TESK2: variants seen among roughly 807,000 people sequenced by gnomAD.
TESK2 encodes dual specificity testis-specific protein kinase 2.
In TESK2, 39 loss-of-function variants were observed where a neutral mutation model predicts 57.1. The observed-to-expected ratio is 0.68, with a 90% confidence interval of 0.53 to 0.89. TESK2 has a LOEUF of 0.89. Among genes scored for constraint, TESK2 ranks in the 40% least tolerant of loss-of-function variants. The probability of loss-of-function intolerance (pLI) is 0.00; values close to 1 mark genes in which losing one functional copy is unlikely to be tolerated. For missense variants in TESK2, 646 were observed against 732.1 expected, an observed-to-expected ratio of 0.88 and a Z score of 1.36; for synonymous variants, 249 against 267.9, an observed-to-expected ratio of 0.93 and a Z score of 0.69.
chr1:45,428,816 A>AC (rs768015378), intron 2 of TESK2, among the ~76,000 whole-genome samples: 1 of 82,592 alleles, frequency 1.2e-5, no homozygotes, highest in Non-Finnish European at 2.1e-5. Flanking sequence ...TAAATTCCTG[A>AC]TTTTTTTTTT....
At chr1:45,367,440 C>T (rs1647975451) in intron 4 of TESK2, among the ~76,000 whole-genome samples, 1 of 149,930 alleles carries the variant, frequency 6.7e-6, no homozygotes, top group African/African-American at 2.5e-5. Flanking sequence ...TCTGTTGACT[C>T]CGGGTTCAAG....
At chr1:45,383,671 C>T (rs1648749961) in intron 4 of TESK2, among the ~76,000 whole-genome samples, 1 of 152,164 alleles carries the variant, frequency 6.6e-6, no homozygotes, top group South Asian at 2.1e-4. Flanking sequence ...AACACACCAG[C>T]CCTTCCAATG....
At chr1:45,417,592 T>C (rs1005496856) in intron 3 of TESK2, among the ~76,000 whole-genome samples, 13 of 152,012 alleles carry the variant, frequency 8.6e-5, no homozygotes, top group Admixed American at 8.5e-4. Context: ...TTTTCTATTA[T>C]GTTTTCTTTT....
At chr1:45,488,844 G>A (rs1653589967) in intron 1 of TESK2, among the ~76,000 whole-genome samples, 1 of 152,072 alleles carries the variant, frequency 6.6e-6, no homozygotes, top group South Asian at 2.1e-4. Flanking sequence ...CATTTCAGAG[G>A]AAACAAGTGA....
Position 45,344,870 on chromosome 1 carries a change from G to T in TESK2, c.1686C>A (p.Gly562=), listed in dbSNP as rs150696331. 335 of 1,613,362 alleles carry T rather than the reference G, an allele frequency of 2.1e-4. 4 individuals are homozygous for T. In the African/African-American group the frequency reaches 3.5e-3, roughly 17 times the overall value. ...CATCCTGCTTTCCCTGGGTTTGCAG[G>T]CCTATGCCTGAGGTGGAGAAGGTGG... ...TPATFSTSGI[G]LQTQGKQDG The change falls in exon 11 of 11, where the codon GGC becomes GGA. Residue 562 remains glycine (G), a synonymous_variant. Transcript: ENST00000372086.
intron 1 of TESK2, among the ~76,000 whole-genome samples, chr1:45,477,278 C>A (rs72896188): frequency 0.052 from 7,860 of 151,608 alleles, 704 homozygotes; most frequent in African/African-American, 0.18. Flanking sequence ...AAGATATAGT[C>A]ATTAAACTGA....
intron 1 of TESK2, among the ~76,000 whole-genome samples, chr1:45,468,825 A>C (rs578176767): frequency 6.6e-6 from 1 of 152,328 alleles, no homozygotes; most frequent in East Asian, 1.9e-4. Flanking sequence ...CCTACAATGC[A>C]CAAAACAAAG....
intron 2 of TESK2, among the ~76,000 whole-genome samples, chr1:45,455,692 T>C (rs1167022235): frequency 3.9e-5 from 6 of 152,158 alleles, no homozygotes; most frequent in Admixed American, 6.6e-5. Context: ...TACAACATTG[T>C]AAATGTAATT....
intron 4 of TESK2, among the ~76,000 whole-genome samples, chr1:45,377,564 ATG>A (rs1326856367): frequency 6.6e-6 from 1 of 151,132 alleles, no homozygotes; most frequent in Non-Finnish European, 1.5e-5. Flanking sequence ...GATTACAAGC[ATG>A]TGCCACCATG....
At chr1:45,483,295 A>C (rs1316449643) in intron 1 of TESK2, among the ~76,000 whole-genome samples, 2 of 149,550 alleles carry the variant, frequency 1.3e-5, no homozygotes, top group African/African-American at 4.9e-5. Flanking sequence ...AAAAAAAAAC[A>C]ACAACAACAA....
At chr1:45,385,737 A>ATATATATATATAT (rs1557552027) in intron 4 of TESK2, among the ~76,000 whole-genome samples, 175 bp downstream of exon 4, 1 of 125,418 alleles carries the variant, frequency 8.0e-6, no homozygotes, top group African/African-American at 3.4e-5. Context: ...TATATATATA[A>ATATATATATATAT]AGAAATACTG....
intron 3 of TESK2, among the ~76,000 whole-genome samples, chr1:45,407,129 A>G (rs1185355911): frequency 6.6e-6 from 1 of 152,192 alleles, no homozygotes. Flanking sequence ...TCTGTCACAC[A>G]GGCTAGAGTG....
In TESK2 at chr1:45,398,983, G is replaced by A. The variant is rs374219500; in HGVS notation, c.345-13023C>T. 2,357 of 236,452 alleles carry A rather than the reference G, an allele frequency of 1.0e-2. 4 individuals are homozygous for A. The highest frequency in any genetic ancestry group is 0.014 in the East Asian group (111 of 8,150). 14.6% of individuals were successfully genotyped at this position (236,452 alleles called of 1,614,324 possible). A position where few individuals can be genotyped will look rare whatever the true frequency, so the allele number is the denominator to read the frequency against. On this transcript the variant is annotated intron_variant, in intron 3 of 10. Transcript: ENST00000372086. ...CCCAACCTCCATTGGACTAGGACCTGAAAAAAAAAAAAAAAAAAAAAAAAC... is the reference window on the plus strand; with the variant it reads ...CCCAACCTCCATTGGACTAGGACCTAAAAAAAAAAAAAAAAAAAAAAAAAC...
At chr1:45,445,763 G>A (rs1651620348) in intron 2 of TESK2, among the ~76,000 whole-genome samples, 1 of 151,724 alleles carries the variant, frequency 6.6e-6, no homozygotes, top group South Asian at 2.1e-4. Context: ...TCACCACACT[G>A]CAAACTAGGT....
At chr1:45,485,014 G>C (rs974328909) in intron 1 of TESK2, among the ~76,000 whole-genome samples, 4 of 151,682 alleles carry the variant, frequency 2.6e-5, no homozygotes, top group Non-Finnish European at 5.9e-5. Flanking sequence ...CTGGGCAACA[G>C]AGCGAGACTC....
intron 1 of TESK2, among the ~76,000 whole-genome samples, chr1:45,480,182 C>G (rs572584769): frequency 6.6e-6 from 1 of 150,774 alleles, no homozygotes; most frequent in African/African-American, 2.4e-5. Context: ...GACTGAGGGC[C>G]GGGCATGGTG....
intron 3 of TESK2, among the ~76,000 whole-genome samples, chr1:45,421,249 C>T (rs1650463338): frequency 6.6e-6 from 1 of 152,004 alleles, no homozygotes; most frequent in African/African-American, 2.4e-5. Flanking sequence ...GAGTGAGACC[C>T]TATCTCAAAA....
chr1:45,399,141 T>A (rs1234481825), intron 3 of TESK2, among the ~76,000 whole-genome samples: 1 of 71,988 alleles, frequency 1.4e-5, no homozygotes, highest in Non-Finnish European at 2.3e-5. Flanking sequence ...AAAGTTGAAA[T>A]TTTTTTTTTT....
At chr1:45,391,418 C>T (rs1480496108) in intron 3 of TESK2, among the ~76,000 whole-genome samples, 1 of 151,946 alleles carries the variant, frequency 6.6e-6, no homozygotes, top group African/African-American at 2.4e-5. Flanking sequence ...TGGGGTCTTG[C>T]TGTTGTCCAG....
Sources: gnomAD v4.1 joint callset for allele counts (sites outside exome capture counted in the v4.1 genomes callset) on GRCh38, gnomAD v4.1.1 for gene constraint, MANE v1.5 for transcripts, NCBI Gene and HGNC (gene_info 2026-07-23, HGNC 2026-07-21) for gene names.